Variants in ARMC3 observed in about 807,000 individuals in gnomAD.
The protein encoded by ARMC3 is armadillo repeat-containing protein 3.
ARMC3 carries 74 observed loss-of-function variants against 90.3 expected under a neutral mutation model. The ratio of observed to expected loss-of-function variants is 0.82; its 90% CI spans 0.68 to 0.99. The LOEUF (loss-of-function observed/expected upper bound fraction) is 0.99, where lower values mean the gene tolerates loss of function less well. Ranked by LOEUF, ARMC3 falls within the 50% of genes least tolerant of loss-of-function variation. The probability of loss-of-function intolerance (pLI) is 0.00; values close to 1 mark genes in which losing one functional copy is unlikely to be tolerated. For synonymous variants in ARMC3, 334 were observed against 361.8 expected, an observed-to-expected ratio of 0.92 and a Z score of 0.87; for missense variants, 958 against 1,042.8, an observed-to-expected ratio of 0.92 and a Z score of 1.12.
Position 22,931,982 on chromosome 10 carries a change from G to A in ARMC3, c.-1-14G>A. The A allele has an allele frequency of 1.3e-6, 2 of 1,599,592 alleles. No individual in the cohort carries two copies. The highest frequency in any genetic ancestry group is 1.7e-6 in the Non-Finnish European group (2 of 1,172,512). ...GCAAATGTCACTTTAACCATATATT[G>A]CATCTTTTTCCAGGATGGGTAAAAA... On this transcript the variant is annotated splice_polypyrimidine_tract_variant and intron_variant, in intron 1 of 18. Coordinates refer to ENST00000298032, the MANE Select transcript of ARMC3 (RefSeq NM_173081.5).
chr10:22,941,193 T>C (rs577920086), intron 2 of ARMC3, among the ~76,000 whole-genome samples: 1 of 152,172 alleles, frequency 6.6e-6, no homozygotes, highest in South Asian at 2.1e-4. Context: ...GGACCAGTCA[T>C]AGGAGGGGAA....
Position 22,955,236 on chromosome 10 carries a change from C to A in ARMC3, c.167-571C>A, listed in dbSNP as rs139455571. 7.0e-3 allele frequency: 1,075 copies of A among 152,540 alleles called. 4 individuals are homozygous for A. The highest frequency in any genetic ancestry group is 9.1e-3 in the Non-Finnish European group (622 of 68,232). 9.4% of individuals were successfully genotyped at this position (152,540 alleles called of 1,614,324 possible). ...CGTTTTAGTAGCTATTTGTGCATCCCTTAGCTCAGTCGCTTTGGCACATAA... is the reference window on the plus strand; with the variant it reads ...CGTTTTAGTAGCTATTTGTGCATCCATTAGCTCAGTCGCTTTGGCACATAA... On this transcript the variant is annotated intron_variant, in intron 3 of 18. Transcript: ENST00000298032.
chr10:22,966,025 A>G (rs1835423710), intron 7 of ARMC3, among the ~76,000 whole-genome samples: 1 of 152,226 alleles, frequency 6.6e-6, no homozygotes, highest in Non-Finnish European at 1.5e-5. Flanking sequence ...ATGGTTAAGA[A>G]TGAGCATTGT....
intron 4 of ARMC3, among the ~76,000 whole-genome samples, chr10:22,958,073 A>G (rs1378371569): frequency 2.0e-5 from 3 of 152,080 alleles, no homozygotes; most frequent in African/African-American, 7.2e-5. Context: ...AAACAAAAAC[A>G]CACACACAAA....
intron 13 of ARMC3, 147 bp downstream of exon 13, chr10:23,003,561 C>T (rs1181338070): frequency 8.1e-6 from 6 of 741,828 alleles, no homozygotes; most frequent in Admixed American, 3.2e-5. Flanking sequence ...TCATTCTTAA[C>T]TTTAGTTATA....
At chr10:22,959,794 T>C in intron 6 of ARMC3, 1 of 622,172 alleles carries the variant, frequency 1.6e-6, no homozygotes, top group Admixed American at 2.3e-5. Context: ...GAAAAAGTAT[T>C]TTGGAAATGT....
chr10:22,978,339 G>A (rs913825970), intron 8 of ARMC3, among the ~76,000 whole-genome samples: 2 of 152,328 alleles, frequency 1.3e-5, no homozygotes, highest in South Asian at 2.1e-4. Context: ...GGTGGCAGGA[G>A]AGAGTGAATA....
At chr10:22,984,433 A>G (rs1235489189) in intron 10 of ARMC3, among the ~76,000 whole-genome samples, 4 of 152,222 alleles carry the variant, frequency 2.6e-5, no homozygotes, top group African/African-American at 9.6e-5. Context: ...TACTTGTGGT[A>G]ACGCTTTTTG....
At chr10:22,942,294 C>T (rs1174079857) in intron 2 of ARMC3, among the ~76,000 whole-genome samples, 1 of 152,152 alleles carries the variant, frequency 6.6e-6, no homozygotes, top group African/African-American at 2.4e-5. Context: ...AGCCTGAACA[C>T]TGTGGGTGCG....
intron 11 of ARMC3, 44 bp from the exon 12 acceptor site, chr10:23,001,875 C>A (rs772384368): frequency 2.5e-6 from 4 of 1,582,696 alleles, no homozygotes; most frequent in Non-Finnish European, 3.4e-6. Flanking sequence ...CAAATAGTTA[C>A]ATTCTACACT....
At chr10:23,030,173 T>C (rs1034788126) in intron 16 of ARMC3, among the ~76,000 whole-genome samples, 1 of 152,194 alleles carries the variant, frequency 6.6e-6, no homozygotes, top group African/African-American at 2.4e-5. Flanking sequence ...CAATTGTCAT[T>C]GAAAATGAAA....
rs1176335443 is a variant in ARMC3, at chr10:23,001,972, T to C, written c.1479T>C (p.Asn493=). The change falls in exon 12 of 19, where the codon AAT becomes AAC. Residue 493 remains asparagine, a synonymous_variant. Coordinates refer to ENST00000298032, the MANE Select transcript of ARMC3 (RefSeq NM_173081.5). The part of the protein sequence containing the change: ...EPLVELLRSK[N]DEVRKHASWA... ...TGGTAGAGCTGCTACGCTCCAAGAA[T>C]GATGAAGTGAGGAAGCACGCCAGTT... 6.2e-7 allele frequency: 1 copy of C among 1,613,806 alleles called. No individual in the cohort carries two copies. Among genetic ancestry groups the C allele is most frequent in the Admixed American group, 1.7e-5 (1 of 59,996 alleles).
intron 18 of ARMC3, among the ~76,000 whole-genome samples, chr10:23,035,161 G>A (rs1316924664): frequency 6.6e-6 from 1 of 152,132 alleles, no homozygotes; most frequent in Non-Finnish European, 1.5e-5. Flanking sequence ...TCCTCAAATG[G>A]CAGAGAAAAG....
intron 10 of ARMC3, among the ~76,000 whole-genome samples, chr10:22,989,966 A>G (rs1288226610): frequency 6.6e-6 from 1 of 152,206 alleles, no homozygotes; most frequent in Non-Finnish European, 1.5e-5. Flanking sequence ...TAACAGTTTG[A>G]ATTTGATTAG....
At chr10:22,999,257 C>CT (rs1837168171) in intron 11 of ARMC3, among the ~76,000 whole-genome samples, 1 of 152,038 alleles carries the variant, frequency 6.6e-6, no homozygotes, top group Admixed American at 6.6e-5. Context: ...TTCAGAAAAA[C>CT]TTTATTTAGG....
intron 18 of ARMC3, 65 bp downstream of exon 18, chr10:23,033,088 T>C: frequency 6.7e-7 from 1 of 1,494,896 alleles, no homozygotes; most frequent in Non-Finnish European, 9.2e-7. Flanking sequence ...CATACTGGAG[T>C]AGGCCAGTTG....
chr10:22,955,130 T>A (rs1399641467), intron 3 of ARMC3: 1 of 152,238 alleles, frequency 6.6e-6, no homozygotes. Flanking sequence ...CCACTCACAT[T>A]GGTGAGCTCA....
At chr10:22,957,332 G>C (rs956886258) in intron 4 of ARMC3, among the ~76,000 whole-genome samples, 1 of 152,150 alleles carries the variant, frequency 6.6e-6, no homozygotes, top group African/African-American at 2.4e-5. Flanking sequence ...TTTGTGTGGC[G>C]TCTGTGCCAT....
intron 8 of ARMC3, among the ~76,000 whole-genome samples, chr10:22,977,681 G>C (rs1249231668): frequency 6.6e-6 from 1 of 152,200 alleles, no homozygotes; most frequent in Non-Finnish European, 1.5e-5. Flanking sequence ...GAAAAAGTAT[G>C]CCAGGTAGGT....
Sources: gnomAD v4.1 joint callset for allele counts (sites outside exome capture counted in the v4.1 genomes callset) on GRCh38, gnomAD v4.1.1 for gene constraint, MANE v1.5 for transcripts, NCBI Gene and HGNC (gene_info 2026-07-23, HGNC 2026-07-21) for gene names.